The following ITFG2 variants were observed in gnomAD, a reference collection of about 807,000 sequenced individuals.
ITFG2 encodes the protein KICSTOR complex protein ITFG2.
In ITFG2, 36 loss-of-function variants were observed where a neutral mutation model predicts 54.4. The ratio of observed to expected loss-of-function variants is 0.66; its 90% CI spans 0.51 to 0.87. ITFG2 has a LOEUF of 0.87. ITFG2 is among the 40% of genes least tolerant of loss of function. The pLI is 0.00. For missense variants in ITFG2, 524 were observed against 576.7 expected (o/e 0.91, Z 0.94); for synonymous variants, 211 against 225.4 (o/e 0.94, Z 0.57).
chr12:2,832,421 T>TCTC (rs1368526868), upstream of ITFG2, among the ~76,000 whole-genome samples: 2 of 151,800 alleles, frequency 1.3e-5, no homozygotes, highest in East Asian at 3.9e-4. Flanking sequence ...CTCTCTCCTC[T>TCTC]CTCCTCTCTT....
At chr12:2,813,590 G>A (rs1027870535) in intron 1 of ITFG2, among the ~76,000 whole-genome samples, 2 of 152,164 alleles carry the variant, frequency 1.3e-5, no homozygotes, top group Non-Finnish European at 2.9e-5. Flanking sequence ...CTCCGGTGGA[G>A]CATTAAAGGG....
In ITFG2 at chr12:2,821,612, A is replaced by T. The variant is rs766153307; in HGVS notation, c.847+16A>T. The T allele has an allele frequency of 6.2e-7, 1 of 1,614,056 alleles. No homozygotes were observed. The highest frequency in any genetic ancestry group is 1.7e-5 in the Admixed American group (1 of 60,010). On this transcript the variant is annotated intron_variant, in intron 8 of 11. Coordinates refer to ENST00000228799, the MANE Select transcript of ITFG2 (RefSeq NM_018463.4). Reference sequence around the variant, plus strand: ...ACCCTGGATGGTGAGCAATGCTAGGATGGGGTGTGGGGGCTGTATGCCTGT... The same window carrying T: ...ACCCTGGATGGTGAGCAATGCTAGGTTGGGGTGTGGGGGCTGTATGCCTGT...
chr12:2,834,954 C>T (rs542894547), upstream of ITFG2: 43 of 1,590,386 alleles, frequency 2.7e-5, no homozygotes, highest in South Asian at 9.0e-5. Flanking sequence ...AGGGTCTCCA[C>T]GGGAGGGAAA....
In ITFG2 at chr12:2,812,860, G is replaced by T. The variant is rs536823859; in HGVS notation, c.96+4G>T. The T allele has an allele frequency of 2.5e-6, 4 of 1,606,668 alleles. No individual in the cohort carries two copies. The Admixed American group carries it at 6.7e-5, about 27-fold the overall frequency. On this transcript the variant is annotated splice_donor_region_variant and intron_variant, in intron 1 of 11. Coordinates refer to ENST00000228799, the MANE Select transcript of ITFG2 (RefSeq NM_018463.4). ...CGGAGACGTTGATAACGATACGGTA[G>T]GTGCATGCGCACCGCAAGAGACAGC...
chr12:2,822,915 A>T lies in ITFG2; in HGVS notation c.1066+4A>T. The T allele has an allele frequency of 1.2e-6, 2 of 1,610,976 alleles. No homozygotes were observed. The highest frequency in any genetic ancestry group is 1.1e-5 in the South Asian group (1 of 90,960). On this transcript the variant is annotated splice_donor_region_variant and intron_variant, in intron 10 of 11. Transcript: ENST00000228799. ...AATATCCGTGCCTTCTGTGCAGGTG[A>T]CCCCCGCCCCCATGGCCCCTTTCTA...
At chr12:2,827,328 T>C (rs764448865), downstream of ITFG2, 16 of 1,599,958 alleles carry the variant, frequency 1.0e-5, no homozygotes, top group Admixed American at 1.4e-4. The surrounding 1 kb of genome is among the most constrained non-coding windows in gnomAD (Gnocchi z 4.0). Context: ...TCATGCCAGG[T>C]CACCTCAGCC....
rs942870907 is a variant in ITFG2 at position 2,842,676 on chromosome 12, G to A, written n.300+1681G>A. Among the ~76,000 whole-genome samples, 8 of 152,142 alleles carry A rather than the reference G, an allele frequency of 5.3e-5. No individual in the cohort carries two copies. The East Asian group carries it at 9.7e-4, about 18-fold the overall frequency. On this transcript the variant is annotated intron_variant and non_coding_transcript_variant, in intron 2 of 3. Transcript: ENST00000537710. ...GAGCGCAGGAGGTAGAGGCTACAGC[G>A]AGCCAAGATCATGCCATTGCACTCC...
intron 4 of ITFG2, among the ~76,000 whole-genome samples, chr12:2,819,075 C>T (rs1043297362): frequency 1.3e-5 from 2 of 151,406 alleles, no homozygotes; most frequent in Non-Finnish European, 2.9e-5. Context: ...CCCAGCACTT[C>T]GAGAGCACTT....
chr12:2,834,355 GC>G (rs1157045549), upstream of ITFG2, among the ~76,000 whole-genome samples: 1 of 152,144 alleles, frequency 6.6e-6, no homozygotes, highest in Non-Finnish European at 1.5e-5. Flanking sequence ...GTTCCTGTAA[GC>G]CCCCACTTCT....
intron 2 of ITFG2, among the ~76,000 whole-genome samples, chr12:2,856,554 G>C (rs952358739): frequency 2.6e-5 from 4 of 152,054 alleles, no homozygotes; most frequent in Non-Finnish European, 5.9e-5. Context: ...TAGTAGAGAC[G>C]GTTTCATCAT....
chr12:2,819,876 C>T (rs1458738584), intron 4 of ITFG2: 3 of 457,370 alleles, frequency 6.6e-6, no homozygotes, highest in African/African-American at 2.0e-5. Flanking sequence ...AATATGAAGG[C>T]AGAGAGCGGA....
At position 2,813,600 on chromosome 12, in the gene ITFG2, G is replaced by A. The variant is rs544860620; in HGVS notation, c.96+744G>A. On this transcript the variant is annotated intron_variant, in intron 1 of 11. Coordinates refer to ENST00000228799, the MANE Select transcript of ITFG2 (RefSeq NM_018463.4). ...GGATTCTCCGGTGGAGCATTAAAGG[G>A]AATAGTGTCTGATGCTCTTTTTTTT... is the stretch of plus-strand genomic sequence containing the variant. Among the ~76,000 whole-genome samples the A allele has an allele frequency of 2.0e-5, 3 of 152,210 alleles. No homozygotes were observed. In the East Asian group the frequency reaches 5.8e-4, roughly 29 times the overall value.
chr12:2,835,654 T>C (rs552224214), upstream of ITFG2: 21 of 152,314 alleles, frequency 1.4e-4, no homozygotes, highest in African/African-American at 5.1e-4. Flanking sequence ...AAGTCCTGGC[T>C]CTTTAAAAAA....
Position 2,823,836 on chromosome 12 carries a change from T to C in ITFG2, c.1133T>C (p.Ile378Thr). ...GTATATGTCACTTTCAACCAGAAGA[T>C]CTATGTGTACTGGGAGGTGCAGCTG... The part of the protein sequence containing the change: ...CLVYVTFNQK[I>T]YVYWEVQLER... Residue 378 changes from isoleucine (I) to threonine (T), a missense_variant, in exon 11 of 12, where the codon ATC becomes ACC. Physicochemically the swap from Ile to Thr is moderately conservative, Grantham distance 89 (BLOSUM62 -1). Coordinates refer to ENST00000228799, the MANE Select transcript of ITFG2 (RefSeq NM_018463.4). 6.2e-7 allele frequency: 1 copy of C among 1,611,028 alleles called. No individual in the cohort carries two copies. Among genetic ancestry groups the C allele is most frequent in the Non-Finnish European group, 8.5e-7 (1 of 1,178,370 alleles).
chr12:2,817,119 C>G, intron 1 of ITFG2, 104 bp from the exon 2 acceptor site: 1 of 677,850 alleles, frequency 1.5e-6, no homozygotes, highest in Non-Finnish European at 2.7e-6. Context: ...GATGAAGATA[C>G]AAGTTGAGGT....
intron 2 of ITFG2, among the ~76,000 whole-genome samples, chr12:2,843,546 C>T (rs2098046364): frequency 1.3e-5 from 2 of 152,214 alleles, no homozygotes; most frequent in Admixed American, 1.3e-4. Context: ...AGCATGGTGG[C>T]TCATGCCTGT....
chr12:2,847,494 C>T (rs931654499), intron 2 of ITFG2, among the ~76,000 whole-genome samples: 6 of 152,064 alleles, frequency 3.9e-5, no homozygotes, highest in Non-Finnish European at 7.4e-5. Context: ...GGTGAAACCC[C>T]GTCTCTACTA....
exon 3 of ITFG2, chr12:2,858,230 C>T (rs1485680609): frequency 6.2e-6 from 1 of 161,772 alleles, no homozygotes; most frequent in Non-Finnish European, 1.4e-5. Flanking sequence ...TTCTGGCAGT[C>T]TCTGGATAAT....
chr12:2,834,430 A>C (rs2098018072), upstream of ITFG2, among the ~76,000 whole-genome samples: 1 of 152,184 alleles, frequency 6.6e-6, no homozygotes, highest in African/African-American at 2.4e-5. Flanking sequence ...GAAGCCAAGC[A>C]ATGAGAGAAT....
Sources: allele counts gnomAD v4.1 joint callset (sites outside exome capture counted in the v4.1 genomes callset), GRCh38; gene constraint gnomAD v4.1.1; non-coding constraint Gnocchi (gnomAD v3.1); transcripts MANE v1.5; gene names NCBI Gene and HGNC (gene_info 2026-07-23, HGNC 2026-07-21).